PCNX1: variants seen among roughly 807,000 people sequenced by gnomAD.
PCNX1 encodes the protein pecanex 1.
In PCNX1, 78 loss-of-function variants were observed where a neutral mutation model predicts 242.2. The ratio of observed to expected loss-of-function variants is 0.32; its 90% CI spans 0.27 to 0.39. PCNX1 has a LOEUF of 0.39. Among genes scored for constraint, PCNX1 ranks in the 10% least tolerant of loss-of-function variants. PCNX1 has a pLI of 1.00. For synonymous variants in PCNX1, 1,024 were observed against 1,032.9 expected (o/e 0.99, Z 0.17); for missense variants, 2,581 against 2,856.5 (o/e 0.90, Z 2.20).
chr14:71,089,314 G>T lies in PCNX1; in HGVS notation c.5561G>T (p.Gly1854Val). Residue 1854 changes from glycine to valine, a missense_variant, in exon 30 of 36, where the codon GGG (glycine) becomes GTG (valine). Transcript: ENST00000304743. ...TTGCTAAGAAAAGTAGTAGTCCCTG[G>T]GATCCGTATGTCCATTAAACTTCAT... ...MELLRKVVVP[G>V]IRMSIKLHQD... is the part of the protein sequence containing the mutation. 6.2e-7 allele frequency: 1 copy of T among 1,612,432 alleles called. No homozygotes were observed. The highest frequency in any genetic ancestry group is 2.2e-5 in the East Asian group (1 of 44,850).
Position 70,907,694 on chromosome 14 carries a change from C to T in PCNX1, c.-157C>T. The T allele has an allele frequency of 3.3e-6, 3 of 898,562 alleles. No homozygotes were observed. The highest frequency in any genetic ancestry group is 4.3e-6 in the Non-Finnish European group (3 of 705,436). 55.7% of individuals were successfully genotyped at this position (898,562 alleles called of 1,614,324 possible). A position where few individuals can be genotyped will look rare whatever the true frequency, so the allele number is the denominator to read the frequency against. ...CGTTTGCTGCCTCCTCCTCCTCCTG[C>T]AGCAGCACCAGCGACCGCCGAAGCG... On this transcript the variant is annotated 5_prime_UTR_variant, in exon 1 of 36. Transcript: ENST00000304743.
In PCNX1 at chr14:70,984,198, AT is replaced by A. The variant is rs544250001; in HGVS notation, c.2312-4366del. On this transcript the variant is annotated intron_variant, in intron 6 of 35. Coordinates refer to ENST00000304743, the MANE Select transcript of PCNX1 (RefSeq NM_014982.3). Reference sequence around the variant, plus strand: ...ATTTTTATTTTCGTGATCTTTCCAGATTTACACCTTTTCCCCCCACGATAAA... The same window carrying A: ...ATTTTTATTTTCGTGATCTTTCCAGATTACACCTTTTCCCCCCACGATAAA... 9.3e-5 allele frequency among the ~76,000 whole-genome samples: 14 copies of A among 151,194 alleles called. No individual in the cohort carries two copies. The South Asian group carries it at 2.9e-3, about 32-fold the overall frequency.
chr14:70,964,511 T>C (rs2058319902), intron 3 of PCNX1, among the ~76,000 whole-genome samples: 1 of 152,258 alleles, frequency 6.6e-6, no homozygotes, highest in Admixed American at 6.5e-5. Flanking sequence ...TATGGCTGCA[T>C]GTCTTGTATT....
At chr14:71,095,962 G>A (rs897235940) in intron 30 of PCNX1, among the ~76,000 whole-genome samples, 1 of 151,630 alleles carries the variant, frequency 6.6e-6, no homozygotes, top group Non-Finnish European at 1.5e-5. Context: ...GATCGCTTGA[G>A]CTCAGGTGTT....
In PCNX1 at chr14:71,032,049, T is replaced by G. The variant is rs1238605805; in HGVS notation, c.3559-1380T>G. 8.0e-6 allele frequency: 6 copies of G among 754,276 alleles called. No homozygotes were observed. The African/African-American group carries it at 8.5e-5, about 11-fold the overall frequency. 46.7% of individuals were successfully genotyped at this position (754,276 alleles called of 1,614,324 possible). A position where few individuals can be genotyped will look rare whatever the true frequency, so the allele number is the denominator to read the frequency against. On this transcript the variant is annotated intron_variant, in intron 16 of 35. Coordinates refer to ENST00000304743, the MANE Select transcript of PCNX1 (RefSeq NM_014982.3). ...GGAGTGGGTTTAAGAGTGGAAAGAT[T>G]AATAGACAAAGAAGAAGAGAGAGAG...
rs117020429 is a variant in PCNX1 at position 70,960,421 on chromosome 14, G to A, written c.363-1805G>A. 9.0e-3 allele frequency among the ~76,000 whole-genome samples: 1,364 copies of A among 152,138 alleles called. 10 individuals are homozygous for A. The highest frequency in any genetic ancestry group is 0.012 in the Non-Finnish European group (842 of 67,980). On this transcript the variant is annotated intron_variant, in intron 2 of 35. Transcript: ENST00000304743. ...GTGATTATCTCAAGATGCAGAAAAGGCCTTTATCTCAAGATGCAGAAAAGG... is the reference window on the plus strand; with the variant it reads ...GTGATTATCTCAAGATGCAGAAAAGACCTTTATCTCAAGATGCAGAAAAGG...
intron 1 of PCNX1, among the ~76,000 whole-genome samples, chr14:70,944,079 A>G (rs780971625): frequency 6.6e-6 from 1 of 152,176 alleles, no homozygotes; most frequent in Admixed American, 6.5e-5. Flanking sequence ...TGTGGAAGGG[A>G]AATGTGGGGT....
At chr14:71,007,212 A>G (rs1367959433) in intron 8 of PCNX1, among the ~76,000 whole-genome samples, 1 of 150,002 alleles carries the variant, frequency 6.7e-6, no homozygotes, top group African/African-American at 2.5e-5. Context: ...TGCATTCTTT[A>G]TGTTTATTTA....
intron 6 of PCNX1, among the ~76,000 whole-genome samples, chr14:70,980,437 AAGAAATGTAAT>A (rs2058805626): frequency 1.3e-5 from 2 of 152,106 alleles, no homozygotes; most frequent in Non-Finnish European, 2.9e-5. Flanking sequence ...GCTTTGGTGG[AAGAAATGTAAT>A]AGTCTGTGGG....
At chr14:70,955,732 T>C (rs1038605769) in intron 2 of PCNX1, among the ~76,000 whole-genome samples, 3 of 152,204 alleles carry the variant, frequency 2.0e-5, no homozygotes, top group African/African-American at 4.8e-5. Context: ...CTGCAAGTCT[T>C]GCCAATAAAG....
intron 19 of PCNX1, 88 bp downstream of exon 19, chr14:71,036,245 C>T: frequency 1.2e-6 from 1 of 834,582 alleles, no homozygotes; most frequent in South Asian, 1.5e-5. Flanking sequence ...GTGTTGCGAT[C>T]ACAGTTCATT....
chr14:71,105,793 G>A (rs192156910), intron 33 of PCNX1, among the ~76,000 whole-genome samples: 43 of 151,350 alleles, frequency 2.8e-4, no homozygotes, highest in African/African-American at 8.5e-4. Flanking sequence ...TGCCCGTCTC[G>A]GCCTCCCAAA....
At chr14:71,059,537 C>A (rs2061271016) in intron 26 of PCNX1, among the ~76,000 whole-genome samples, 1 of 151,954 alleles carries the variant, frequency 6.6e-6, no homozygotes, top group African/African-American at 2.4e-5. Context: ...GTGCACACCA[C>A]CACTCCTGGC....
At chr14:70,970,734 A>G (rs1018187882) in intron 5 of PCNX1, among the ~76,000 whole-genome samples, 3 of 152,198 alleles carry the variant, frequency 2.0e-5, no homozygotes, top group Non-Finnish European at 4.4e-5. Context: ...CTCTCTTGCT[A>G]CTCAGCTACT....
In PCNX1 at chr14:71,047,864, C is replaced by A. The variant is rs1275584880; in HGVS notation, c.4218C>A (p.Ser1406Arg). 2 of 1,612,810 alleles carry A rather than the reference C, an allele frequency of 1.2e-6. No homozygotes were observed. Among genetic ancestry groups the A allele is most frequent in the African/African-American group, 1.3e-5 (1 of 74,872 alleles). The change falls in exon 22 of 36, where the codon AGC becomes AGA. Residue 1406 changes from serine (S) to arginine (R), a missense_variant. Physicochemically the swap from Ser to Arg is moderately radical, Grantham distance 110 (BLOSUM62 -1). Coordinates refer to ENST00000304743, the MANE Select transcript of PCNX1 (RefSeq NM_014982.3). The stretch of plus-strand genomic sequence containing the variant: ...TGAAGTTGCTACGATCCTCTTTTAG[C>A]AGCCCTACATATCAGTATGTTACAG... Reference protein sequence around the residue: ...AGLKLLRSSFSSPTYQYVTVI... With the variant: ...AGLKLLRSSFRSPTYQYVTVI...
Position 70,917,020 on chromosome 14 carries a change from ACTCT to A in PCNX1, c.153+9022_153+9025del, listed in dbSNP as rs141894715. ...GGAGCAAATTGGATCTCAGGAAATC[ACTCT>A]CTCTGCTCACCCATAAGAAGCAACT... On this transcript the variant is annotated intron_variant, in intron 1 of 35. Coordinates refer to ENST00000304743, the MANE Select transcript of PCNX1 (RefSeq NM_014982.3). Among the ~76,000 whole-genome samples the A allele has an allele frequency of 9.7e-3, 1,479 of 152,096 alleles. 22 individuals carry two copies. Among genetic ancestry groups the A allele is most frequent in the African/African-American group, 0.033 (1,367 of 41,502 alleles).
chr14:71,085,771 A>C, intron 28 of PCNX1: 1 of 341,348 alleles, frequency 2.9e-6, no homozygotes, highest in Non-Finnish European at 5.9e-6. Context: ...CTCAGTCATA[A>C]GGCCCAGACC....
At chr14:71,095,232 A>G (rs941710236) in intron 30 of PCNX1, among the ~76,000 whole-genome samples, 1 of 152,156 alleles carries the variant, frequency 6.6e-6, no homozygotes, top group Non-Finnish European at 1.5e-5. Context: ...TCAAAATCCA[A>G]ATGAGTTTAC....
At chr14:71,075,982 T>C (rs886986780) in intron 27 of PCNX1, among the ~76,000 whole-genome samples, 1 of 152,022 alleles carries the variant, frequency 6.6e-6, no homozygotes, top group Non-Finnish European at 1.5e-5. Context: ...TGTTTTTTCA[T>C]CCAGTAAGGC....
Sources: gnomAD v4.1 joint callset for allele counts (sites outside exome capture counted in the v4.1 genomes callset) on GRCh38, gnomAD v4.1.1 for gene constraint, MANE v1.5 for transcripts, NCBI Gene and HGNC (gene_info 2026-07-23, HGNC 2026-07-21) for gene names.